MCF2L2: variants seen among roughly 807,000 people sequenced by gnomAD.
MCF2L2 encodes probable guanine nucleotide exchange factor MCF2L2.
MCF2L2 carries 102 observed loss-of-function variants against 150.2 expected under a neutral mutation model. The observed-to-expected ratio is 0.68, with a 90% CI of 0.58 to 0.80. The LOEUF (loss-of-function observed/expected upper bound fraction) is 0.80, where lower values mean the gene tolerates loss of function less well. MCF2L2 is among the 30% of genes least tolerant of loss of function. The pLI is 0.00. For missense variants in MCF2L2, 1,256 were observed against 1,372.8 expected (o/e 0.91, Z 1.34); for synonymous variants, 465 against 491.3 (o/e 0.95, Z 0.71).
In MCF2L2 at chr3:183,360,991, A is replaced by AGAGAAGAGAAGAGAAG. The variant is rs1560040073; in HGVS notation, c.275+18305_275+18306insCTTCTCTTCTCTTCTC. ...AAGAAAAGAAAAGAAAAGAAAAGAA[A>AGAGAAGAGAAGAGAAG]AGAAAAGAAAAGAAAAGAAAAGAAA... On this transcript the variant is annotated intron_variant, in intron 3 of 29. Coordinates refer to ENST00000328913, the MANE Select transcript of MCF2L2 (RefSeq NM_015078.4). Among the ~76,000 whole-genome samples the AGAGAAGAGAAGAGAAG allele has an allele frequency of 3.4e-4, 46 of 133,512 alleles. 1 individual carries two copies. Among genetic ancestry groups the AGAGAAGAGAAGAGAAG allele is most frequent in the East Asian group, 2.8e-3 (13 of 4,680 alleles). 87.6% of individuals were successfully genotyped at this position (133,512 alleles called of 152,430 possible).
intron 14 of MCF2L2, among the ~76,000 whole-genome samples, chr3:183,277,315 C>T (rs112623497): frequency 0.025 from 3,571 of 140,668 alleles, 156 homozygotes; most frequent in African/African-American, 0.089. Flanking sequence ...CCAGCCTCAG[C>T]AACAGAGCGA....
chr3:183,338,653 T>G (rs1055022384), intron 5 of MCF2L2, 147 bp downstream of exon 5: 1 of 649,998 alleles, frequency 1.5e-6, no homozygotes, highest in Non-Finnish European at 2.3e-6. Context: ...CCTGCCTCTA[T>G]GCCTTCACAC....
chr3:183,424,631 T>C (rs1231081596), intron 1 of MCF2L2, among the ~76,000 whole-genome samples: 1 of 152,060 alleles, frequency 6.6e-6, no homozygotes, highest in Non-Finnish European at 1.5e-5. Flanking sequence ...CCAGTAACCA[T>C]AATACAGGGG....
chr3:183,377,346 T>A (rs183695824), intron 3 of MCF2L2: 6 of 152,340 alleles, frequency 3.9e-5, no homozygotes, highest in Admixed American at 3.9e-4. Flanking sequence ...CCCAGCTTCA[T>A]CCATGTCCCT....
intron 1 of MCF2L2, among the ~76,000 whole-genome samples, chr3:183,414,200 T>G (rs1715468037): frequency 1.3e-5 from 2 of 152,232 alleles, no homozygotes; most frequent in Admixed American, 1.3e-4. Flanking sequence ...AGCCATCTGG[T>G]CCTGAGCTTT....
chr3:183,216,222 G>C (rs1223801472), intron 21 of MCF2L2, 128 bp from the exon 22 acceptor site: 18 of 997,916 alleles, frequency 1.8e-5, no homozygotes, highest in Non-Finnish European at 2.7e-5. Context: ...ATATTGATCT[G>C]TCTCCCTGCT....
intron 22 of MCF2L2, among the ~76,000 whole-genome samples, chr3:183,214,010 G>A (rs111955606): frequency 0.018 from 2,696 of 152,278 alleles, 48 homozygotes; most frequent in Non-Finnish European, 0.024. Flanking sequence ...CTGTAAGCTG[G>A]TTCATCCTAT....
In MCF2L2 at chr3:183,241,151, A is replaced by C. The variant is rs149653414; in HGVS notation, c.1863-10134T>G. ...AATTAAACCAGGGGTTGGGGGAGACACTGCCAACTCTGTGTTGAGTGAAGT... is the reference window on the plus strand; with the variant it reads ...AATTAAACCAGGGGTTGGGGGAGACCCTGCCAACTCTGTGTTGAGTGAAGT... On this transcript the variant is annotated intron_variant, in intron 15 of 29. Transcript: ENST00000328913. 4.0e-3 allele frequency among the ~76,000 whole-genome samples: 605 copies of C among 152,368 alleles called. 4 individuals are homozygous for C. The highest frequency in any genetic ancestry group is 0.012 in the African/African-American group (496 of 41,598).
chr3:183,284,552 A>C (rs547485458), intron 14 of MCF2L2, among the ~76,000 whole-genome samples: 1 of 152,276 alleles, frequency 6.6e-6, no homozygotes, highest in African/African-American at 2.4e-5. Context: ...AAATACAAAA[A>C]TTAGCCAGGC....
chr3:183,390,901 C>CAAAA (rs1450317513), intron 1 of MCF2L2, among the ~76,000 whole-genome samples: 1 of 149,834 alleles, frequency 6.7e-6, no homozygotes, highest in East Asian at 1.9e-4. Flanking sequence ...TGTCTCAAAA[C>CAAAA]AAAACAAAAC....
rs1370047995 is a variant in MCF2L2 at position 183,306,832 on chromosome 3, C to A, written c.1113+2884G>T. ...GGGTTCCATGCCTTCTTAGACACAGCACCCTTATGGGGAGAGGTCAAGGCT... is the reference window on the plus strand; with the variant it reads ...GGGTTCCATGCCTTCTTAGACACAGAACCCTTATGGGGAGAGGTCAAGGCT... On this transcript the variant is annotated intron_variant, in intron 10 of 29. Coordinates refer to ENST00000328913, the MANE Select transcript of MCF2L2 (RefSeq NM_015078.4). Among the ~76,000 whole-genome samples the A allele has an allele frequency of 2.0e-5, 3 of 152,198 alleles. 1 individual carries two copies. Among genetic ancestry groups the A allele is most frequent in the Admixed American group, 2.0e-4 (3 of 15,274 alleles).
chr3:183,325,790 G>A (rs1284335289), intron 5 of MCF2L2, among the ~76,000 whole-genome samples: 3 of 152,156 alleles, frequency 2.0e-5, no homozygotes, highest in Non-Finnish European at 2.9e-5. Flanking sequence ...CCAAAACTCT[G>A]CTTTCTCATC....
rs145769230 is a variant in MCF2L2 at position 183,280,418 on chromosome 3, GT to G, written c.1777-3462del. Among the ~76,000 whole-genome samples, 30 of 148,782 alleles carry G rather than the reference GT, an allele frequency of 2.0e-4. 1 individual carries two copies. Among genetic ancestry groups the G allele is most frequent in the East Asian group, 1.4e-3 (7 of 5,102 alleles). On this transcript the variant is annotated intron_variant, in intron 14 of 29. Coordinates refer to ENST00000328913, the MANE Select transcript of MCF2L2 (RefSeq NM_015078.4). ...TGATTTTCAATCGATTATTGAAATTGTTTTTTTTTTCTTCCCTAAAGGGGAG... is the reference window on the plus strand; with the variant it reads ...TGATTTTCAATCGATTATTGAAATTGTTTTTTTTTCTTCCCTAAAGGGGAG...
intron 26 of MCF2L2, among the ~76,000 whole-genome samples, chr3:183,193,622 T>C (rs1364319467): frequency 6.6e-6 from 1 of 152,214 alleles, no homozygotes; most frequent in Non-Finnish European, 1.5e-5. Flanking sequence ...GTGCTGGGAT[T>C]ACATGGCTAC....
chr3:183,293,252 A>C (rs1728267610), intron 13 of MCF2L2, among the ~76,000 whole-genome samples: 1 of 152,228 alleles, frequency 6.6e-6, no homozygotes. Flanking sequence ...AGAGGTAAGG[A>C]GGGAAGGAGA....
chr3:183,394,856 T>C (rs1431241562), intron 1 of MCF2L2, among the ~76,000 whole-genome samples: 1 of 152,220 alleles, frequency 6.6e-6, no homozygotes, highest in East Asian at 1.9e-4. Context: ...AATCAGTACT[T>C]CTGCAGAACC....
intron 5 of MCF2L2, 22 bp from the exon 6 acceptor site, chr3:183,323,373 A>G (rs1231045060): frequency 7.8e-7 from 1 of 1,281,584 alleles, no homozygotes; most frequent in South Asian, 1.2e-5. Context: ...AAATTTAATT[A>G]AACATACTCC....
At chr3:183,351,214 A>G (rs1399553532) in intron 3 of MCF2L2, among the ~76,000 whole-genome samples, 7 of 88,800 alleles carry the variant, frequency 7.9e-5, no homozygotes, top group African/African-American at 3.5e-4. Flanking sequence ...ATATATATAT[A>G]TATATATATA....
intron 5 of MCF2L2, among the ~76,000 whole-genome samples, chr3:183,326,407 G>A (rs370715052): frequency 9.1e-5 from 13 of 143,042 alleles, no homozygotes; most frequent in African/African-American, 3.5e-4. Context: ...CAAAAGAATC[G>A]CTGGAATTCA....
Sources: gnomAD v4.1 joint callset for allele counts (sites outside exome capture counted in the v4.1 genomes callset) on GRCh38, gnomAD v4.1.1 for gene constraint, MANE v1.5 for transcripts, NCBI Gene and HGNC (gene_info 2026-07-23, HGNC 2026-07-21) for gene names.